Variants in EFCAB12 observed in about 807,000 individuals in gnomAD.
EFCAB12 encodes EF-hand calcium-binding domain-containing protein 12.
EFCAB12 carries 43 observed loss-of-function variants against 53.6 expected under a neutral mutation model. The observed-to-expected ratio is 0.80, with a 90% CI of 0.63 to 1.03. The LOEUF (loss-of-function observed/expected upper bound fraction) is 1.03, where lower values mean the gene tolerates loss of function less well. EFCAB12 is among the 50% of genes least tolerant of loss of function. EFCAB12 has a pLI of 0.00. For synonymous variants in EFCAB12, 269 were observed against 289.2 expected (o/e 0.93, Z 0.71); for missense variants, 646 against 730.6 (o/e 0.88, Z 1.34).
rs537918602 is a variant in EFCAB12, at chr3:129,415,137, T to C, written c.838+108A>G. 16 of 1,367,472 alleles carry C rather than the reference T, an allele frequency of 1.2e-5. No homozygotes were observed. The South Asian group carries it at 2.4e-4, about 21-fold the overall frequency. The allele number at this position is 1,367,472 out of a possible 1,614,324, so 84.7% of individuals were successfully genotyped here. ...TGGCCAAACCACAGTCGGCCAAAAC[T>C]GGGGAACACACTGAGGAAGTGAGTT... is the stretch of plus-strand genomic sequence containing the variant. On this transcript the variant is annotated intron_variant, in intron 4 of 8. Coordinates refer to ENST00000505956, the MANE Select transcript of EFCAB12 (RefSeq NM_207307.3).
intron 1 of EFCAB12, among the ~76,000 whole-genome samples, chr3:129,425,638 A>G (rs1049619357): frequency 1.3e-5 from 2 of 152,188 alleles, no homozygotes; most frequent in Admixed American, 6.5e-5. Context: ...AGGGAGCTTC[A>G]TTCTAGTGCT....
In EFCAB12 at chr3:129,401,383, G is replaced by C; in HGVS notation, c.*210C>G. ...GGGCAGAGGTCAGGGGAGGGAAATA[G>C]TCAAAAACTGCACGTCATTCCTTGG... is the stretch of plus-strand genomic sequence containing the variant. On this transcript the variant is annotated 3_prime_UTR_variant, in exon 9 of 9. Transcript: ENST00000505956. 1.7e-6 allele frequency: 1 copy of C among 593,088 alleles called. No homozygotes were observed. The highest frequency in any genetic ancestry group is 2.7e-6 in the Non-Finnish European group (1 of 371,368). The allele number at this position is 593,088 out of a possible 1,614,324, so 36.7% of individuals were successfully genotyped here. A position where few individuals can be genotyped will look rare whatever the true frequency, so the allele number is the denominator to read the frequency against.
chr3:129,427,823 CT>C (rs1477365420), intron 1 of EFCAB12, among the ~76,000 whole-genome samples: 3 of 152,222 alleles, frequency 2.0e-5, no homozygotes, highest in Admixed American at 2.0e-4. Context: ...GATCTTGTCC[CT>C]TCTGACCTCT....
intron 1 of EFCAB12, among the ~76,000 whole-genome samples, chr3:129,427,698 C>T (rs903837195): frequency 6.6e-6 from 1 of 152,194 alleles, no homozygotes; most frequent in African/African-American, 2.4e-5. Context: ...CTCTCATCTC[C>T]CCACACCAAC....
At position 129,418,218 on chromosome 3, in the gene EFCAB12, A is replaced by T. The variant is rs750298131; in HGVS notation, c.681+36T>A. On this transcript the variant is annotated intron_variant, in intron 3 of 8. Transcript: ENST00000505956. Reference sequence around the variant, plus strand: ...GAGGGAGTACATGTACATCCTGCCCACTTAGGCCCATCCAGAGAAAGCAGG... The same window carrying T: ...GAGGGAGTACATGTACATCCTGCCCTCTTAGGCCCATCCAGAGAAAGCAGG... 1.4e-4 allele frequency: 216 copies of T among 1,571,734 alleles called. 1 individual carries two copies. Among genetic ancestry groups the T allele is most frequent in the South Asian group, 6.5e-4 (53 of 82,148 alleles).
At chr3:129,427,261 A>AT (rs2107744585) in intron 1 of EFCAB12, among the ~76,000 whole-genome samples, 1 of 152,296 alleles carries the variant, frequency 6.6e-6, no homozygotes, top group Admixed American at 6.5e-5. Context: ...TAGTGCTGGG[A>AT]TTACAGGCGT....
chr3:129,422,143 T>C (rs1220008142), intron 1 of EFCAB12, among the ~76,000 whole-genome samples: 1 of 152,198 alleles, frequency 6.6e-6, no homozygotes, highest in African/African-American at 2.4e-5. Flanking sequence ...AGCAGAGGCT[T>C]TGGGGCCAGA....
chr3:129,408,405 CA>C (rs1399545994), intron 6 of EFCAB12, among the ~76,000 whole-genome samples: 6 of 152,172 alleles, frequency 3.9e-5, no homozygotes, highest in Non-Finnish European at 7.3e-5. Flanking sequence ...TCCAGACCCC[CA>C]AATCTCAGTT....
In EFCAB12 at chr3:129,401,603, T is replaced by C; in HGVS notation, c.1709A>G (p.Tyr570Cys). The C allele has an allele frequency of 1.3e-6, 2 of 1,551,928 alleles. No homozygotes were observed. Among genetic ancestry groups the C allele is most frequent in the Non-Finnish European group, 8.7e-7 (1 of 1,144,388 alleles). ...AACACCTGGCTAGCTCTAGTTGATG[T>C]AGTACACCTTGGCGGCATCATAATG... ...HAHYDAAKVYYIN is the reference protein window; with the variant it reads ...HAHYDAAKVYCIN The change falls in exon 9 of 9, where the codon TAC becomes TGC. Residue 570 changes from tyrosine (Y) to cysteine (C), a missense_variant. Physicochemically the swap from Tyr to Cys is radical, Grantham distance 194. Transcript: ENST00000505956.
chr3:129,414,951 T>C, intron 4 of EFCAB12: 1 of 254,740 alleles, frequency 3.9e-6, no homozygotes, highest in Non-Finnish European at 7.3e-6. Flanking sequence ...GCCATTTGGG[T>C]CAGTTCTCAG....
chr3:129,426,166 AG>A (rs1383496473), intron 1 of EFCAB12, among the ~76,000 whole-genome samples: 4 of 151,932 alleles, frequency 2.6e-5, no homozygotes, highest in African/African-American at 9.7e-5. Flanking sequence ...TACTCCTTAA[AG>A]GTTGTTGCTT....
intron 1 of EFCAB12, among the ~76,000 whole-genome samples, chr3:129,423,063 C>T (rs2072209169): frequency 6.6e-6 from 1 of 152,176 alleles, no homozygotes; most frequent in Non-Finnish European, 1.5e-5. Flanking sequence ...GATGCTGGTA[C>T]TATGATTATG....
Position 129,404,233 on chromosome 3 carries a change from G to C in EFCAB12, c.1403+17C>G, listed in dbSNP as rs1161451283. ...GCAGGAGGCCAAGGCAGGGAGAAAG[G>C]GGGTCCGAAACTCAGCTTGTCAGTC... On this transcript the variant is annotated intron_variant, in intron 7 of 8. Transcript: ENST00000505956. The C allele has an allele frequency of 6.2e-7, 1 of 1,608,888 alleles. No individual in the cohort carries two copies. Among genetic ancestry groups the C allele is most frequent in the African/African-American group, 1.3e-5 (1 of 74,774 alleles).
chr3:129,426,359 G>GTTTT (rs71620055), intron 1 of EFCAB12, among the ~76,000 whole-genome samples: 135 of 87,794 alleles, frequency 1.5e-3, no homozygotes, highest in African/African-American at 2.3e-3. Context: ...GTTTTTTTTT[G>GTTTT]TTTTTTTTTT....
chr3:129,408,376 C>A (rs1255471548), intron 6 of EFCAB12, among the ~76,000 whole-genome samples: 1 of 152,208 alleles, frequency 6.6e-6, no homozygotes, highest in African/African-American at 2.4e-5. Flanking sequence ...TTTGGTTCAC[C>A]AAGCTCAGGG....
Position 129,418,372 on chromosome 3 carries a change from G to C in EFCAB12, c.563C>G (p.Ser188Trp), listed in dbSNP as rs369822007. Residue 188 changes from serine to tryptophan, a missense_variant, in exon 3 of 9, where the codon TCG (serine) becomes TGG (tryptophan). By Grantham distance (177) the Ser-to-Trp change is radical. Transcript: ENST00000505956. ...GCTATGCAGGTAGGAGTACATGACC[G>C]ACAGGGCAGGGGGCTCGGGCAGCTG... The part of the protein sequence containing the change: ...QLQLPEPPAL[S>W]VMYSYLHSRK... The C allele has an allele frequency of 2.5e-6, 4 of 1,613,678 alleles. No individual in the cohort carries two copies. The South Asian group carries it at 4.4e-5, about 18-fold the overall frequency.
At chr3:129,402,799 T>C (rs189308401) in intron 7 of EFCAB12, 72 of 543,124 alleles carry the variant, frequency 1.3e-4, no homozygotes, top group African/African-American at 1.0e-3. Context: ...CCTCAGAATC[T>C]GGCCAGGTGA....
At chr3:129,411,967 T>C (rs2072047272) in intron 4 of EFCAB12, 1 of 152,164 alleles carries the variant, frequency 6.6e-6, no homozygotes, top group Admixed American at 6.6e-5. Context: ...GCAGGGTACT[T>C]TGGGAGGCTG....
chr3:129,402,697 T>C lies in EFCAB12; in HGVS notation c.1404-118A>G, dbSNP rs2071889426. The C allele has an allele frequency of 2.0e-5, 20 of 983,360 alleles. 1 individual carries two copies. In the South Asian group the frequency reaches 3.4e-4, roughly 17 times the overall value. 60.9% of individuals were successfully genotyped at this position (983,360 alleles called of 1,614,324 possible). The stretch of plus-strand genomic sequence containing the variant: ...GTTTCTAAGTCTCAAACGAGAGCTC[T>C]GAAAGAAAAATGTCTTCCACCTGGG... On this transcript the variant is annotated intron_variant, in intron 7 of 8. Transcript: ENST00000505956.
Sources: allele counts gnomAD v4.1 joint callset (sites outside exome capture counted in the v4.1 genomes callset), GRCh38; gene constraint gnomAD v4.1.1; transcripts MANE v1.5; gene names NCBI Gene and HGNC (gene_info 2026-07-23, HGNC 2026-07-21).